The following SCP2 variants were observed in gnomAD, a reference collection of about 807,000 sequenced individuals.
SCP2 encodes SCP-2/3-oxoacyl-CoA thiolase.
SCP2 carries 48 observed loss-of-function variants against 71.4 expected under a neutral mutation model. The ratio of observed to expected loss-of-function variants is 0.67; its 90% CI spans 0.53 to 0.86. The LOEUF is 0.86. Ranked by LOEUF, SCP2 falls within the 40% of genes least tolerant of loss-of-function variation. The probability of loss-of-function intolerance (pLI) is 0.00; values close to 1 mark genes in which losing one functional copy is unlikely to be tolerated. For missense variants in SCP2, 560 were observed against 655.6 expected (o/e 0.85, Z 1.59); for synonymous variants, 220 against 218.1 (o/e 1.01, Z -0.08).
intron 11 of SCP2, among the ~76,000 whole-genome samples, chr1:53,011,229 C>T (rs72670835): frequency 3.3e-5 from 5 of 152,142 alleles, no homozygotes; most frequent in Non-Finnish European, 5.9e-5. Context: ...AAACTAAAGC[C>T]GGATTATGAC....
Position 52,974,798 on chromosome 1 carries a change from G to A in SCP2, c.553G>A (p.Gly185Arg). 1 of 1,551,092 alleles carries A rather than the reference G, an allele frequency of 6.4e-7. No homozygotes were observed. The highest frequency in any genetic ancestry group is 8.9e-7 in the Non-Finnish European group (1 of 1,122,692). Reference protein sequence around the residue: ...GTKIEHFAKIGWKNHKHSVNN... With the variant: ...GTKIEHFAKIRWKNHKHSVNN... Reference sequence around the variant, plus strand: ...AAAAATTGAACACTTTGCAAAAATTGGATGGAAAAATCATAAACATTCAGT... The same window carrying A: ...AAAAATTGAACACTTTGCAAAAATTAGATGGAAAAATCATAAACATTCAGT... Residue 185 changes from glycine to arginine, a missense_variant, in exon 7 of 16, where the codon GGA (glycine) becomes AGA (arginine). Transcript: ENST00000371514.
intron 14 of SCP2, among the ~76,000 whole-genome samples, chr1:53,045,950 T>G (rs183408529): frequency 7.2e-6 from 1 of 138,978 alleles, no homozygotes; most frequent in Non-Finnish European, 1.5e-5. Context: ...TGATACAGTA[T>G]GTAGCTTTTT....
intron 3 of SCP2, 90 bp from the exon 4 acceptor site, chr1:52,950,665 G>T: frequency 2.0e-6 from 2 of 1,007,718 alleles, no homozygotes; most frequent in South Asian, 1.3e-5. Context: ...GCTAGGCAAA[G>T]GTATAATATT....
chr1:52,970,136 A>AT (rs1259152399), intron 6 of SCP2, among the ~76,000 whole-genome samples: 1 of 152,104 alleles, frequency 6.6e-6, no homozygotes, highest in Non-Finnish European at 1.5e-5. Flanking sequence ...TCATGGAAAT[A>AT]TTTTTTAAAT....
intron 1 of SCP2, among the ~76,000 whole-genome samples, chr1:52,939,421 C>T (rs183895459): frequency 3.7e-4 from 56 of 152,144 alleles, no homozygotes; most frequent in Non-Finnish European, 5.9e-4. Flanking sequence ...TTATGAGCAC[C>T]TGTGATCTCA....
chr1:52,964,240 G>A (rs1322764157), intron 6 of SCP2, among the ~76,000 whole-genome samples: 3 of 141,764 alleles, frequency 2.1e-5, no homozygotes, highest in Non-Finnish European at 4.5e-5. Flanking sequence ...TTGAGACAGA[G>A]TCTCGCTCTG....
At chr1:52,981,444 T>TA (rs1304871618) in intron 10 of SCP2, among the ~76,000 whole-genome samples, 1 of 151,910 alleles carries the variant, frequency 6.6e-6, no homozygotes, top group East Asian at 1.9e-4. Flanking sequence ...TAATAATTTT[T>TA]TTTTTTTTTT....
intron 13 of SCP2, among the ~76,000 whole-genome samples, chr1:53,037,947 C>T (rs1663120208): frequency 9.2e-6 from 1 of 108,910 alleles, no homozygotes; most frequent in Admixed American, 1.1e-4. Context: ...GATCCTGTCT[C>T]TATACACACA....
intron 9 of SCP2, 108 bp from the exon 10 acceptor site, chr1:52,980,288 T>A: frequency 9.5e-7 from 1 of 1,057,150 alleles, no homozygotes; most frequent in Non-Finnish European, 1.4e-6. Context: ...ATTTAATATA[T>A]GTGGTCAATT....
At chr1:52,952,464 C>T (rs116342277) in intron 4 of SCP2, among the ~76,000 whole-genome samples, 2,393 of 152,232 alleles carry the variant, frequency 0.016, 58 homozygotes, top group African/African-American at 0.055. Flanking sequence ...TGGCTTTAAG[C>T]GATCTTCCTG....
intron 12 of SCP2, among the ~76,000 whole-genome samples, chr1:53,017,325 C>T (rs1411773057): frequency 6.6e-6 from 1 of 152,048 alleles, no homozygotes; most frequent in Non-Finnish European, 1.5e-5. Flanking sequence ...AGTTTTATTG[C>T]CCAAAAATGT....
At position 53,050,885 on chromosome 1, in the gene SCP2, T is replaced by TA; in HGVS notation, c.*182dup. On this transcript the variant is annotated 3_prime_UTR_variant, in exon 16 of 16. Coordinates refer to ENST00000371514, the MANE Select transcript of SCP2 (RefSeq NM_002979.5). ...GCTCTGGGTGAATAGAGCCTGATGG[T>TA]ATACTACTGCTTTGCGGAATTGCAT... 3.5e-6 allele frequency: 2 copies of TA among 568,882 alleles called. No individual in the cohort carries two copies. Among genetic ancestry groups the TA allele is most frequent in the Non-Finnish European group, 6.3e-6 (2 of 316,378 alleles). 35.2% of individuals were successfully genotyped at this position (568,882 alleles called of 1,614,324 possible). A position where few individuals can be genotyped will look rare whatever the true frequency, so the allele number is the denominator to read the frequency against.
At chr1:53,024,595 G>A (rs541571775) in intron 12 of SCP2, among the ~76,000 whole-genome samples, 1 of 148,878 alleles carries the variant, frequency 6.7e-6, no homozygotes, top group African/African-American at 2.5e-5. Flanking sequence ...TTTTGAGATG[G>A]AGTCTTGCTC....
intron 2 of SCP2, among the ~76,000 whole-genome samples, chr1:52,942,615 A>T (rs184956882): frequency 0.021 from 3,090 of 148,912 alleles, 42 homozygotes; most frequent in Non-Finnish European, 0.03. Flanking sequence ...TATATAAAGA[A>T]TTTTTTTTTT....
At chr1:52,993,191 G>A (rs1659649418) in intron 11 of SCP2, 40 of 1,613,780 alleles carry the variant, frequency 2.5e-5, no homozygotes, top group Non-Finnish European at 3.3e-5. Context: ...AAAACTGAAG[G>A]GATTCTAGAA....
intron 11 of SCP2, among the ~76,000 whole-genome samples, chr1:53,008,654 C>G (rs1660787922): frequency 3.9e-5 from 6 of 152,112 alleles, no homozygotes; most frequent in Admixed American, 3.9e-4. Flanking sequence ...CTATTTATGA[C>G]AAACCCACAG....
At chr1:53,011,743 C>T (rs1211675993) in intron 11 of SCP2, among the ~76,000 whole-genome samples, 2 of 152,252 alleles carry the variant, frequency 1.3e-5, no homozygotes, top group East Asian at 3.9e-4. Context: ...TACAGAATAC[C>T]TCATCGGTAT....
intron 6 of SCP2, among the ~76,000 whole-genome samples, chr1:52,971,701 C>T (rs558160576): frequency 1.2e-4 from 19 of 152,302 alleles, no homozygotes; most frequent in African/African-American, 4.3e-4. Flanking sequence ...AGAAACCCAG[C>T]CAGGCCTGTC....
At chr1:52,951,164 C>G (rs1655262888) in intron 4 of SCP2, among the ~76,000 whole-genome samples, 2 of 151,750 alleles carry the variant, frequency 1.3e-5, no homozygotes, top group Admixed American at 6.6e-5. Context: ...CATCTGTAGT[C>G]CCAGCTATCT....
Sources: gnomAD v4.1 joint callset for allele counts (sites outside exome capture counted in the v4.1 genomes callset) on GRCh38, gnomAD v4.1.1 for gene constraint, MANE v1.5 for transcripts, NCBI Gene and HGNC (gene_info 2026-07-23, HGNC 2026-07-21) for gene names.